Variants in MYO16 observed in about 807,000 individuals in gnomAD.
MYO16 encodes myosin XVI.
In MYO16, 94 loss-of-function variants were observed where a neutral mutation model predicts 205.3. The observed-to-expected ratio is 0.46, with a 90% CI of 0.39 to 0.54. The LOEUF (loss-of-function observed/expected upper bound fraction) is 0.54. MYO16 is among the 20% of genes least tolerant of loss of function. The probability of loss-of-function intolerance (pLI) is 0.00; values close to 1 mark genes in which losing one functional copy is unlikely to be tolerated. For missense variants in MYO16, 2,315 were observed against 2,387.5 expected, an observed-to-expected ratio of 0.97 and a Z score of 0.63; for synonymous variants, 988 against 954.0, an observed-to-expected ratio of 1.04 and a Z score of -0.66.
intron 5 of MYO16, among the ~76,000 whole-genome samples, chr13:108,791,630 C>T (rs997658162): frequency 6.6e-6 from 1 of 152,170 alleles, no homozygotes; most frequent in Non-Finnish European, 1.5e-5. Flanking sequence ...GTCCAGAGCT[C>T]CTCTTCTCTA....
intron 7 of MYO16, among the ~76,000 whole-genome samples, chr13:108,811,121 T>G (rs960561237): frequency 6.6e-6 from 1 of 152,172 alleles, no homozygotes; most frequent in Non-Finnish European, 1.5e-5. Context: ...TAAAAAAATA[T>G]TTGTACAAAT....
chr13:108,829,129 G>A (rs959816300), intron 9 of MYO16, among the ~76,000 whole-genome samples: 7 of 152,122 alleles, frequency 4.6e-5, no homozygotes, highest in African/African-American at 1.7e-4. Context: ...GTCTTGATGA[G>A]GACTGTGCCC....
In MYO16 at chr13:109,125,534, G is replaced by A. The variant is rs551826235; in HGVS notation, c.3782+176G>A. On this transcript the variant is annotated intron_variant, in intron 30 of 34. Transcript: ENST00000457511. The surrounding 1 kb of genome is among the most constrained non-coding windows in gnomAD (Gnocchi z 4.0). ...GTCTAAAAAGATGCTTTCCTGTGCT[G>A]TCTTCTCACGAGTTCAAGGCTTTCT... is the stretch of plus-strand genomic sequence containing the variant. 2.0e-5 allele frequency among the ~76,000 whole-genome samples: 3 copies of A among 152,262 alleles called. No homozygotes were observed. The East Asian group carries it at 5.8e-4, about 29-fold the overall frequency.
intron 34 of MYO16, among the ~76,000 whole-genome samples, chr13:109,196,477 A>G (rs1057136417): frequency 1.3e-5 from 2 of 152,168 alleles, no homozygotes; most frequent in African/African-American, 4.8e-5. Flanking sequence ...ATCTGTTTGC[A>G]TATCCTAGGA....
chr13:108,499,934 T>C, the MYO16 span, among the ~76,000 whole-genome samples: 4 of 152,076 alleles, frequency 2.6e-5, no homozygotes, highest in African/African-American at 9.6e-5. Flanking sequence ...CTCCTCAGCC[T>C]GGCTTCTCTG....
chr13:109,098,497 A>G (rs1888848013), intron 27 of MYO16, among the ~76,000 whole-genome samples: 1 of 152,196 alleles, frequency 6.6e-6, no homozygotes, highest in African/African-American at 2.4e-5. Flanking sequence ...GCAAAACTTC[A>G]TAGCCCAAGT....
At chr13:109,005,083 A>G (rs1195427680) in intron 21 of MYO16, among the ~76,000 whole-genome samples, 2 of 152,152 alleles carry the variant, frequency 1.3e-5, no homozygotes, top group African/African-American at 4.8e-5. Context: ...TTACTGTGCA[A>G]ATAATGTACA....
chr13:108,818,433 AAAAC>A (rs1875763125), intron 7 of MYO16, among the ~76,000 whole-genome samples: 1 of 148,340 alleles, frequency 6.7e-6, no homozygotes, highest in Non-Finnish European at 1.5e-5. Context: ...AGAGATTAAT[AAAAC>A]AAACACAATA....
At position 108,629,787 on chromosome 13, in the gene MYO16, A is replaced by T. The variant is rs2139351659; in HGVS notation, c.-58A>T. On this transcript the variant is annotated 5_prime_UTR_variant, in exon 1 of 35. Coordinates refer to ENST00000457511, the MANE Select transcript of MYO16 (RefSeq NM_001198950.3). ...AAGTAATGCATTTCCTGGGAACGAC[A>T]GTTGTGACAGAAGAGAATGCTGGAA... 6.7e-7 allele frequency: 1 copy of T among 1,485,460 alleles called. No individual in the cohort carries two copies. The highest frequency in any genetic ancestry group is 2.5e-5 in the East Asian group (1 of 40,266). 92.0% of individuals were successfully genotyped at this position (1,485,460 alleles called of 1,614,324 possible).
chr13:108,729,901 T>C (rs1021247948), intron 4 of MYO16, among the ~76,000 whole-genome samples: 6 of 152,220 alleles, frequency 3.9e-5, no homozygotes, highest in African/African-American at 1.4e-4. Flanking sequence ...ATACTCACAA[T>C]TAAATATTGC....
chr13:108,612,287 G>A (rs556026656), intron 1 of MYO16, among the ~76,000 whole-genome samples: 1 of 151,578 alleles, frequency 6.6e-6, no homozygotes, highest in East Asian at 1.9e-4. Context: ...CCTTAACAAG[G>A]AAAAAGGAAA....
intron 20 of MYO16, among the ~76,000 whole-genome samples, chr13:108,972,869 G>T (rs1225125602): frequency 4.0e-5 from 6 of 151,136 alleles, no homozygotes; most frequent in South Asian, 2.1e-4. Context: ...TTTGTTTTTT[G>T]GTTTTTTTCT....
intron 16 of MYO16, among the ~76,000 whole-genome samples, chr13:108,930,077 G>A (rs1462397210): frequency 4.6e-5 from 7 of 152,162 alleles, no homozygotes; most frequent in African/African-American, 1.7e-4. Flanking sequence ...TTATAGGTAT[G>A]TACACATATA....
At chr13:108,824,308 T>G (rs936262116) in intron 9 of MYO16, among the ~76,000 whole-genome samples, 1 of 152,048 alleles carries the variant, frequency 6.6e-6, no homozygotes, top group African/African-American at 2.4e-5. Flanking sequence ...CATGGAAAAC[T>G]TTATGAAGTG....
At chr13:109,150,233 T>G (rs1005799512) in intron 32 of MYO16, among the ~76,000 whole-genome samples, 1 of 152,134 alleles carries the variant, frequency 6.6e-6, no homozygotes, top group African/African-American at 2.4e-5. Flanking sequence ...CAGGCAAAAA[T>G]CCATTCCTTT....
intron 24 of MYO16, among the ~76,000 whole-genome samples, chr13:109,047,983 C>T (rs372685315): frequency 4.3e-4 from 65 of 152,064 alleles, no homozygotes; most frequent in Non-Finnish European, 4.9e-4. Flanking sequence ...ATTATGAAGA[C>T]GGAAAAGAAT....
At chr13:109,008,341 ATCTTGTGTATGCACTACTGTACTATC>A (rs1566458025) in intron 21 of MYO16, among the ~76,000 whole-genome samples, 3 of 150,218 alleles carry the variant, frequency 2.0e-5, no homozygotes, top group Non-Finnish European at 4.4e-5. Context: ...CTACTGTACT[ATCTTGTGTATGCACTACTGTACTATC>A]TATCTTGTGT....
intron 23 of MYO16, among the ~76,000 whole-genome samples, chr13:109,026,162 A>G (rs1038982872): frequency 3.9e-5 from 6 of 152,210 alleles, no homozygotes; most frequent in Non-Finnish European, 7.3e-5. Flanking sequence ...GCTGAACGGG[A>G]GCCCTCCGAA....
chr13:108,967,337 A>C (rs1284621845), intron 20 of MYO16, among the ~76,000 whole-genome samples: 2 of 152,198 alleles, frequency 1.3e-5, no homozygotes, highest in African/African-American at 4.8e-5. Context: ...CCCAATATTA[A>C]TCATATAGCA....
Sources: allele counts gnomAD v4.1 joint callset (sites outside exome capture counted in the v4.1 genomes callset), GRCh38; gene constraint gnomAD v4.1.1; non-coding constraint Gnocchi (gnomAD v3.1); transcripts MANE v1.5; gene names NCBI Gene and HGNC (gene_info 2026-07-23, HGNC 2026-07-21).